DMRT1: variants seen among roughly 807,000 people sequenced by gnomAD.
DMRT1 encodes doublesex and mab-3 related transcription factor 1.
DMRT1 carries 7 observed loss-of-function variants against 32.3 expected under a neutral mutation model. The ratio of observed to expected loss-of-function variants is 0.22; its 90% confidence interval spans 0.12 to 0.41. The LOEUF is 0.41. Among genes scored for constraint, DMRT1 ranks in the 10% least tolerant of loss-of-function variants. The pLI is 1.00. For synonymous variants in DMRT1, 278 were observed against 206.1 expected (o/e 1.35, Z -2.99); for missense variants, 625 against 500.5 (o/e 1.25, Z -2.37).
At chr9:906,018 G>A (rs1446945602) in intron 3 of DMRT1, among the ~76,000 whole-genome samples, 1 of 82,502 alleles carries the variant, frequency 1.2e-5, no homozygotes, top group Non-Finnish European at 2.8e-5. Context: ...AGATGCTTCT[G>A]TGACACACAC....
intron 2 of DMRT1, among the ~76,000 whole-genome samples, chr9:858,779 CAGGA>C: frequency 6.7e-6 from 1 of 150,268 alleles, no homozygotes; most frequent in South Asian, 2.1e-4. Flanking sequence ...GAGGCTAAGG[CAGGA>C]GAATCGCTTG....
intron 2 of DMRT1, among the ~76,000 whole-genome samples, chr9:872,941 G>A (rs1816336084): frequency 6.6e-6 from 1 of 152,102 alleles, no homozygotes; most frequent in African/African-American, 2.4e-5. Context: ...CTGATTGGAC[G>A]ATGTCCCCCC....
At chr9:960,920 A>C (rs1209919189) in intron 4 of DMRT1, among the ~76,000 whole-genome samples, 1 of 152,206 alleles carries the variant, frequency 6.6e-6, no homozygotes, top group Admixed American at 6.5e-5. Context: ...AACAGGGCTC[A>C]GTTCAGACAG....
intron 4 of DMRT1, among the ~76,000 whole-genome samples, chr9:942,087 A>G (rs1819093379): frequency 6.6e-6 from 1 of 152,200 alleles, no homozygotes; most frequent in Middle Eastern, 3.2e-3. Context: ...ATTTTAAGTG[A>G]CATAGGTATG....
Position 968,584 on chromosome 9 carries a change from TGA to T in DMRT1, c.*448_*449del, listed in dbSNP as rs943185795. The T allele has an allele frequency of 4.8e-5, 8 of 166,132 alleles. No homozygotes were observed. Among genetic ancestry groups the T allele is most frequent in the African/African-American group, 1.9e-4 (8 of 41,158 alleles). The allele number at this position is 166,132 out of a possible 1,614,324, so 10.3% of individuals were successfully genotyped here. On this transcript the variant is annotated 3_prime_UTR_variant, in exon 5 of 5. Coordinates refer to ENST00000382276, the MANE Select transcript of DMRT1 (RefSeq NM_021951.3). ...AAATTTAGCCAAGTTACCTGACGGG[TGA>T]GAAGAAAAGAGCAGGCAAAATTAGT...
Position 947,427 on chromosome 9 carries a change from G to A in DMRT1, c.968-20558G>A, listed in dbSNP as rs12343064. On this transcript the variant is annotated intron_variant, in intron 4 of 4. Coordinates refer to ENST00000382276, the MANE Select transcript of DMRT1 (RefSeq NM_021951.3). The stretch of plus-strand genomic sequence containing the variant: ...TTAATGTGTCTATTAAGGAAGGAAA[G>A]CTCGTAATTTCTTGCTTCAGAAGTA... Among the ~76,000 whole-genome samples, 692 of 152,292 alleles carry A rather than the reference G, an allele frequency of 4.5e-3. 4 individuals are homozygous for A. The highest frequency in any genetic ancestry group is 0.016 in the African/African-American group (663 of 41,560).
intron 3 of DMRT1, among the ~76,000 whole-genome samples, chr9:901,408 C>T (rs1817569053): frequency 6.6e-6 from 1 of 152,028 alleles, no homozygotes; most frequent in Non-Finnish European, 1.5e-5. Flanking sequence ...CTCACTGCAA[C>T]CTCTGCCTCC....
chr9:941,765 C>T (rs1033771199), intron 4 of DMRT1, among the ~76,000 whole-genome samples: 1 of 152,126 alleles, frequency 6.6e-6, no homozygotes, highest in Non-Finnish European at 1.5e-5. Flanking sequence ...TTATTTATAT[C>T]AAGTATCTTT....
rs865970289 is a variant in DMRT1, at chr9:962,418, G to A, written c.968-5567G>A. Among the ~76,000 whole-genome samples, 18 of 152,264 alleles carry A rather than the reference G, an allele frequency of 1.2e-4. 1 individual carries two copies. In the South Asian group the frequency reaches 3.5e-3, roughly 30 times the overall value. On this transcript the variant is annotated intron_variant, in intron 4 of 4. Transcript: ENST00000382276. ...GGTGCTGAGCCCCTATCAGGGTAGGGCTGCTGCCATGGACATGTTGATTAT... is the reference window on the plus strand; with the variant it reads ...GGTGCTGAGCCCCTATCAGGGTAGGACTGCTGCCATGGACATGTTGATTAT...
intron 4 of DMRT1, among the ~76,000 whole-genome samples, chr9:939,778 T>A (rs1052284218): frequency 2.6e-5 from 4 of 152,220 alleles, no homozygotes; most frequent in African/African-American, 9.6e-5. Flanking sequence ...ATAGTTTCTT[T>A]CATATAGATA....
intron 4 of DMRT1, among the ~76,000 whole-genome samples, chr9:963,589 A>G (rs1052913454): frequency 6.6e-6 from 1 of 152,182 alleles, no homozygotes; most frequent in Non-Finnish European, 1.5e-5. Flanking sequence ...TGGAATAAAG[A>G]TCTCCATTCA....
chr9:884,018 C>T (rs1209548574), intron 2 of DMRT1, among the ~76,000 whole-genome samples: 2 of 152,088 alleles, frequency 1.3e-5, no homozygotes, highest in Non-Finnish European at 2.9e-5. Flanking sequence ...GTTTACATGA[C>T]CTCATGTGAA....
Position 968,256 on chromosome 9 carries a change from G to T in DMRT1, c.*117G>T. ...ATCTTAACTGTTGAGAACGTATTTG[G>T]TTTATATTCCTTAGAGTTTAGTCCA... is the stretch of plus-strand genomic sequence containing the variant. On this transcript the variant is annotated 3_prime_UTR_variant, in exon 5 of 5. Transcript: ENST00000382276. 1 of 1,311,292 alleles carries T rather than the reference G, an allele frequency of 7.6e-7. No homozygotes were observed. The highest frequency in any genetic ancestry group is 1.1e-6 in the Non-Finnish European group (1 of 942,888). The allele number at this position is 1,311,292 out of a possible 1,614,324, so 81.2% of individuals were successfully genotyped here.
At chr9:871,658 T>A (rs957008990) in intron 2 of DMRT1, among the ~76,000 whole-genome samples, 5 of 146,608 alleles carry the variant, frequency 3.4e-5, no homozygotes, top group Middle Eastern at 3.7e-3. Context: ...GTATTTTTAG[T>A]AGAGACGGGG....
chr9:879,997 A>C (rs757363258), intron 2 of DMRT1, among the ~76,000 whole-genome samples: 4 of 152,210 alleles, frequency 2.6e-5, no homozygotes, highest in African/African-American at 4.8e-5. Context: ...GGGGGCCATA[A>C]ATTTTCTAAA....
chr9:847,014 A>G lies in DMRT1; in HGVS notation c.409A>G (p.Ile137Val). Residue 137 changes from isoleucine to valine, a missense_variant, in exon 2 of 5, where the codon ATC (isoleucine) becomes GTC (valine). Ile to Val is a conservative substitution (Grantham distance 29, BLOSUM62 3). Coordinates refer to ENST00000382276, the MANE Select transcript of DMRT1 (RefSeq NM_021951.3). The part of the protein sequence containing the change: ...QEEELGISHP[I>V]PLPSAAELLV... ...GGAGGAATTGGGTATCAGCCACCCC[A>G]TCCCACTGCCCAGTGCGGCCGAGCT... 1 of 1,614,134 alleles carries G rather than the reference A, an allele frequency of 6.2e-7. No individual in the cohort carries two copies. The highest frequency in any genetic ancestry group is 8.5e-7 in the Non-Finnish European group (1 of 1,180,034).
intron 4 of DMRT1, among the ~76,000 whole-genome samples, chr9:930,964 C>G (rs1273694246): frequency 6.6e-6 from 1 of 152,182 alleles, no homozygotes; most frequent in Non-Finnish European, 1.5e-5. Context: ...TCACTGCTAT[C>G]TAATTCCAAA....
At chr9:861,941 ATGG>A (rs1815714912) in intron 2 of DMRT1, among the ~76,000 whole-genome samples, 1 of 139,262 alleles carries the variant, frequency 7.2e-6, no homozygotes, top group African/African-American at 2.8e-5. Flanking sequence ...ATCCCAGATG[ATGG>A]GCGGGCGGGC....
intron 3 of DMRT1, among the ~76,000 whole-genome samples, chr9:896,112 AC>A (rs1722320680): frequency 1.3e-5 from 2 of 150,022 alleles, no homozygotes; most frequent in Admixed American, 1.3e-4. Flanking sequence ...CGTAATTGAA[AC>A]TTTTTACCCT....
Sources: allele counts gnomAD v4.1 joint callset (sites outside exome capture counted in the v4.1 genomes callset), GRCh38; gene constraint gnomAD v4.1.1; transcripts MANE v1.5; gene names NCBI Gene and HGNC (gene_info 2026-07-23, HGNC 2026-07-21).